The following FAM193B variants were observed in gnomAD, a reference collection of about 807,000 sequenced individuals.
FAM193B encodes protein FAM193B.
In FAM193B, 27 loss-of-function variants were observed where a neutral mutation model predicts 70.7. That is an observed-to-expected ratio of 0.38 (90% CI 0.28 to 0.53). The LOEUF (loss-of-function observed/expected upper bound fraction) is 0.53. Among genes scored for constraint, FAM193B ranks in the 20% least tolerant of loss-of-function variants. The pLI, the probability that FAM193B is intolerant of heterozygous loss-of-function variation, is 0.81. For missense variants in FAM193B, 1,022 were observed against 1,072.5 expected, an observed-to-expected ratio of 0.95 and a Z score of 0.66; for synonymous variants, 448 against 436.0, an observed-to-expected ratio of 1.03 and a Z score of -0.34.
At chr5:177,521,914 A>T in intron 8 of FAM193B, 60 bp downstream of exon 8, 1 of 1,332,408 alleles carries the variant, frequency 7.5e-7, no homozygotes, top group Non-Finnish European at 1.1e-6. Context: ...TGGTGAGCGT[A>T]CAGAGAGGGT....
At chr5:177,544,523 AAAC>A (rs1355343928) in intron 1 of FAM193B, among the ~76,000 whole-genome samples, 1 of 152,246 alleles carries the variant, frequency 6.6e-6, no homozygotes, top group East Asian at 1.9e-4. Context: ...ACTTCAAGGA[AAAC>A]AACTGACAGT....
chr5:177,549,951 C>A (rs1443762904), intron 1 of FAM193B, among the ~76,000 whole-genome samples: 1 of 152,018 alleles, frequency 6.6e-6, no homozygotes, highest in Non-Finnish European at 1.5e-5. Context: ...AAACATAGAC[C>A]CTGCTCTAAA....
intron 1 of FAM193B, chr5:177,553,951 C>T (rs1766671448): frequency 3.2e-6 from 4 of 1,250,710 alleles, no homozygotes; most frequent in South Asian, 3.0e-5. Context: ...GCCTCGGGAT[C>T]ACAGCCCAGT....
intron 4 of FAM193B, among the ~76,000 whole-genome samples, chr5:177,534,423 A>G (rs1433102755): frequency 6.6e-6 from 1 of 150,686 alleles, no homozygotes; most frequent in African/African-American, 2.4e-5. Context: ...CAGCCTCCTG[A>G]GTAGCTGGGA....
At chr5:177,534,713 C>T (rs1052708853) in intron 4 of FAM193B, among the ~76,000 whole-genome samples, 7 of 152,176 alleles carry the variant, frequency 4.6e-5, no homozygotes, top group East Asian at 1.9e-4. Context: ...CAGGCTCAAG[C>T]GATCCTGTCC....
At chr5:177,539,405 G>A (rs1416320760) in intron 1 of FAM193B, 4 of 426,758 alleles carry the variant, frequency 9.4e-6, no homozygotes, top group African/African-American at 4.0e-5. Context: ...GAACCCTAGT[G>A]AGTCTGGCTC....
rs763924734 is a variant in FAM193B at position 177,539,145 on chromosome 5, G to T, written c.213C>A (p.Val71=). 4 of 1,561,362 alleles carry T rather than the reference G, an allele frequency of 2.6e-6. No individual in the cohort carries two copies. Among genetic ancestry groups the T allele is most frequent in the East Asian group, 4.7e-5 (2 of 42,280 alleles). ...DEPNLVPGPQ[V]PPASSQPVQT... is the part of the protein sequence containing the mutation. ...GCACAGGCTGGCTGGAGGCGGGGGG[G>T]ACCTGTCCAACAGACAGAAACAGGG... The change falls in exon 2 of 9, where the codon GTC becomes GTA. Residue 71 remains valine, a splice_region_variant and synonymous_variant. Coordinates refer to ENST00000514747, the MANE Select transcript of FAM193B (RefSeq NM_001190946.3).
rs1766809253 is a variant in FAM193B, at chr5:177,554,499, C to CGCG, written c.-42_-41insCGC. On this transcript the variant is annotated 5_prime_UTR_variant, in exon 1 of 9. Transcript: ENST00000514747. ...GCTCCCTCGCTCCACACGCCGCCGC[C>CGCG]GCCGCCGCCGCCGCCGCCGCCGCCG... The CGCG allele has an allele frequency of 1.3e-6, 1 of 754,210 alleles. No homozygotes were observed. The highest frequency in any genetic ancestry group is 2.3e-5 in the African/African-American group (1 of 44,154). The allele number at this position is 754,210 out of a possible 1,614,324, so 46.7% of individuals were successfully genotyped here. A position where few individuals can be genotyped will look rare whatever the true frequency, so the allele number is the denominator to read the frequency against.
At chr5:177,529,238 G>A (rs1281719131) in intron 5 of FAM193B, among the ~76,000 whole-genome samples, 1 of 146,884 alleles carries the variant, frequency 6.8e-6, no homozygotes, top group Non-Finnish European at 1.5e-5. Context: ...GTAGACAGAA[G>A]ACACAAAGAC....
At position 177,539,156 on chromosome 5, in the gene FAM193B, C is replaced by A; in HGVS notation, c.211-9G>T. The A allele has an allele frequency of 6.5e-7, 1 of 1,543,702 alleles. No homozygotes were observed. Among genetic ancestry groups the A allele is most frequent in the African/African-American group, 1.4e-5 (1 of 73,328 alleles). ...CTGGAGGCGGGGGGGACCTGTCCAA[C>A]AGACAGAAACAGGGTTTCCCAGGAG... On this transcript the variant is annotated splice_polypyrimidine_tract_variant and intron_variant, in intron 1 of 8. Transcript: ENST00000514747.
Position 177,544,268 on chromosome 5 carries a change from A to G in FAM193B, c.211-5121T>C, listed in dbSNP as rs181917034. 6.6e-4 allele frequency among the ~76,000 whole-genome samples: 101 copies of G among 152,346 alleles called. 1 individual carries two copies. The highest frequency in any genetic ancestry group is 3.4e-3 in the Middle Eastern group (1 of 294). On this transcript the variant is annotated intron_variant, in intron 1 of 8. Coordinates refer to ENST00000514747, the MANE Select transcript of FAM193B (RefSeq NM_001190946.3). ...GCCTAGGGGGCTGGCATCTGTAGCC[A>G]TTAAAACCATTATCTCTGCTCCCTT...
At chr5:177,525,423 G>A in intron 5 of FAM193B, 1 of 407,002 alleles carries the variant, frequency 2.5e-6, no homozygotes, top group Non-Finnish European at 4.3e-6. Context: ...CAGAGGGTAG[G>A]GTTTTTACAG....
chr5:177,550,570 C>T (rs1162791510), intron 1 of FAM193B, among the ~76,000 whole-genome samples: 1 of 152,184 alleles, frequency 6.6e-6, no homozygotes, highest in East Asian at 1.9e-4. Context: ...GTGGAGGGAA[C>T]AAGAGGTGGG....
At position 177,536,668 on chromosome 5, in the gene FAM193B, G is replaced by A. The variant is rs763652129; in HGVS notation, c.766C>T (p.Pro256Ser). The stretch of plus-strand genomic sequence containing the variant: ...GACGGGATTAGAGATGCTGGCTGCG[G>A]GTGGTGGCCGGTGGGGCTGTTAGGG... The part of the protein sequence containing the change: ...APPNSPTGHH[P>S]QPASLIPSHP... The change falls in exon 4 of 9, where the codon CCG becomes TCG. Residue 256 changes from proline to serine, a missense_variant. Coordinates refer to ENST00000514747, the MANE Select transcript of FAM193B (RefSeq NM_001190946.3). The A allele has an allele frequency of 3.9e-6, 6 of 1,556,908 alleles. No individual in the cohort carries two copies. The highest frequency in any genetic ancestry group is 2.4e-5 in the East Asian group (1 of 42,238).
Position 177,523,994 on chromosome 5 carries a change from T to C in FAM193B, c.2335A>G (p.Met779Val). 1 of 1,613,964 alleles carries C rather than the reference T, an allele frequency of 6.2e-7. No individual in the cohort carries two copies. Among genetic ancestry groups the C allele is most frequent in the Non-Finnish European group, 8.5e-7 (1 of 1,179,870 alleles). The change falls in exon 7 of 9, where the codon ATG (methionine) becomes GTG (valine). Residue 779 changes from methionine to valine, a missense_variant. By Grantham distance (21) the Met-to-Val change is conservative. Coordinates refer to ENST00000514747, the MANE Select transcript of FAM193B (RefSeq NM_001190946.3). ...FLPKDMDGVE[M>V]DETDREVEYF... ...TCCACCTCTCGGTCAGTCTCATCCA[T>C]CTCCACCCCGTCCATGTCCTTGGGC...
chr5:177,553,807 AGGGGACGGAGTGGAGCCGTTCCC>A (rs1165866485), intron 1 of FAM193B: 1 of 1,286,968 alleles, frequency 7.8e-7, no homozygotes. Context: ...CAGGCGCTGC[AGGGGACGGAGTGGAGCCGTTCCC>A]GGGGGCAGAG....
intron 1 of FAM193B, chr5:177,553,969 C>CCA (rs1766675703): frequency 7.9e-7 from 1 of 1,260,152 alleles, no homozygotes; most frequent in South Asian, 1.6e-5. Context: ...AGTCCCAGTC[C>CCA]CAGTCCCAGT....
chr5:177,525,344 C>T, intron 5 of FAM193B, 139 bp from the exon 6 acceptor site: 1 of 888,662 alleles, frequency 1.1e-6, no homozygotes, highest in Non-Finnish European at 1.5e-6. Flanking sequence ...TGCTTACCCA[C>T]CCTGCAGGAG....
chr5:177,554,358 G>A lies in FAM193B; in HGVS notation c.101C>T (p.Pro34Leu), dbSNP rs1766766190. The A allele has an allele frequency of 4.9e-6, 6 of 1,224,716 alleles. No individual in the cohort carries two copies. The highest frequency in any genetic ancestry group is 6.1e-6 in the Non-Finnish European group (6 of 983,046). 75.9% of individuals were successfully genotyped at this position (1,224,716 alleles called of 1,614,324 possible). A position where few individuals can be genotyped will look rare whatever the true frequency, so the allele number is the denominator to read the frequency against. The part of the protein sequence containing the change: ...QKPQAPEPPP[P>L]PSLEAGAGAG... ...ACCCGCTCCCGCCTCCAGGCTTGGCGGCGGCGGGGGCTCGGGCGCCTGGGG... is the reference window on the plus strand; with the variant it reads ...ACCCGCTCCCGCCTCCAGGCTTGGCAGCGGCGGGGGCTCGGGCGCCTGGGG... Residue 34 changes from proline (P) to leucine (L), a missense_variant, in exon 1 of 9, where the codon CCG becomes CTG. Coordinates refer to ENST00000514747, the MANE Select transcript of FAM193B (RefSeq NM_001190946.3).
Sources: allele counts gnomAD v4.1 joint callset (sites outside exome capture counted in the v4.1 genomes callset), GRCh38; gene constraint gnomAD v4.1.1; transcripts MANE v1.5; gene names NCBI Gene and HGNC (gene_info 2026-07-23, HGNC 2026-07-21).